The following ZNF614 variants were observed in gnomAD, a reference collection of about 807,000 sequenced individuals.
ZNF614 encodes the protein zinc finger protein 614.
In ZNF614, 11 loss-of-function variants were observed where a neutral mutation model predicts 12.8. That is an observed-to-expected ratio of 0.86 (90% CI 0.54 to 1.43). The LOEUF (loss-of-function observed/expected upper bound fraction) is 1.43. Ranked by LOEUF, ZNF614 falls within the 40% of genes most tolerant of loss-of-function variation. The pLI is 0.00. For missense variants in ZNF614, 664 were observed against 708.8 expected (o/e 0.94, Z 0.72); for synonymous variants, 237 against 237.5 (o/e 1.00, Z 0.02).
chr19:52,016,769 G>T lies in ZNF614; in HGVS notation c.829C>A (p.His277Asn). The T allele has an allele frequency of 1.9e-6, 3 of 1,614,094 alleles. No homozygotes were observed. Among genetic ancestry groups the T allele is most frequent in the Non-Finnish European group, 2.5e-6 (3 of 1,180,050 alleles). ...GSTVKSSLIT[H>N]QQTHTEEKSY... Reference sequence around the variant, plus strand: ...TTCTCTTCTGTATGGGTTTGTTGATGTGTAATGAGACTACTCTTCACAGTA... The same window carrying T: ...TTCTCTTCTGTATGGGTTTGTTGATTTGTAATGAGACTACTCTTCACAGTA... The change falls in exon 5 of 5, where the codon CAT becomes AAT. Residue 277 changes from histidine to asparagine, a missense_variant. By Grantham distance (68) the His-to-Asn change is moderately conservative (BLOSUM62 1). Coordinates refer to ENST00000270649, the MANE Select transcript of ZNF614 (RefSeq NM_025040.4).
At position 52,025,782 on chromosome 19, in the gene ZNF614, CTATACG is replaced by C; in HGVS notation, c.-43_-38del. On this transcript the variant is annotated 5_prime_UTR_variant, in exon 2 of 5. Coordinates refer to ENST00000270649, the MANE Select transcript of ZNF614 (RefSeq NM_025040.4). Reference sequence around the variant, plus strand: ...CTCAGAAAATAGTGGATAACATGGACTATACGTCTTTGTCTCTTCTGCATTTGCCAT... The same window carrying C: ...CTCAGAAAATAGTGGATAACATGGACTCTTTGTCTCTTCTGCATTTGCCAT... 10 of 1,610,234 alleles carry C rather than the reference CTATACG, an allele frequency of 6.2e-6. No individual in the cohort carries two copies. Among genetic ancestry groups the C allele is most frequent in the Non-Finnish European group, 8.5e-6 (10 of 1,178,266 alleles).
At chr19:52,022,329 C>A (rs747477131) in intron 2 of ZNF614, among the ~76,000 whole-genome samples, 4 of 151,202 alleles carry the variant, frequency 2.6e-5, no homozygotes, top group Non-Finnish European at 4.4e-5. Context: ...AGAAGCGCCT[C>A]TGCCTAGCCG....
chr19:52,018,224 T>C, intron 3 of ZNF614, 121 bp from the exon 4 acceptor site: 1 of 1,454,840 alleles, frequency 6.9e-7, no homozygotes, highest in Non-Finnish European at 9.6e-7. Flanking sequence ...TTAGAAGAGA[T>C]TATACCACTT....
chr19:52,026,806 G>A (rs892680672), intron 1 of ZNF614, among the ~76,000 whole-genome samples: 2 of 152,254 alleles, frequency 1.3e-5, no homozygotes, highest in African/African-American at 4.8e-5. Context: ...GGTGAGACAT[G>A]CTGGTGGCAA....
In ZNF614 at chr19:52,016,103, T is replaced by C; in HGVS notation, c.1495A>G (p.Ile499Val). Reference sequence around the variant, plus strand: ...CCTGTGTGAATTCTCTGATGGGTAATGAGGCCATATTTGTGTGAATAGGAT... The same window carrying C: ...CCTGTGTGAATTCTCTGATGGGTAACGAGGCCATATTTGTGTGAATAGGAT... ...GKSYSHKYGLITHQRIHTGEK... is the reference protein window; with the variant it reads ...GKSYSHKYGLVTHQRIHTGEK... Residue 499 changes from isoleucine (I) to valine (V), a missense_variant, in exon 5 of 5, where the codon ATT (isoleucine) becomes GTT (valine). Ile to Val is a conservative substitution (Grantham distance 29). Coordinates refer to ENST00000270649, the MANE Select transcript of ZNF614 (RefSeq NM_025040.4). The C allele has an allele frequency of 1.9e-6, 3 of 1,614,114 alleles. No homozygotes were observed. Among genetic ancestry groups the C allele is most frequent in the African/African-American group, 1.3e-5 (1 of 75,008 alleles).
At chr19:52,020,165 A>G (rs2086924786) in intron 2 of ZNF614, among the ~76,000 whole-genome samples, 1 of 152,158 alleles carries the variant, frequency 6.6e-6, no homozygotes, top group African/African-American at 2.4e-5. Flanking sequence ...TCCCAGGTTA[A>G]AAGCACAATC....
intron 4 of ZNF614, 61 bp downstream of exon 4, chr19:52,017,947 C>T (rs2086910618): frequency 3.0e-6 from 4 of 1,315,952 alleles, no homozygotes; most frequent in Non-Finnish European, 4.3e-6. Context: ...ATATGTGACA[C>T]CTTTCCTTAA....
chr19:52,016,378 C>T lies in ZNF614; in HGVS notation c.1220G>A (p.Gly407Asp). The T allele has an allele frequency of 6.2e-7, 1 of 1,613,634 alleles. No individual in the cohort carries two copies. The highest frequency in any genetic ancestry group is 8.5e-7 in the Non-Finnish European group (1 of 1,179,656). ...AACGAGAGTGCGTTTGACAGTGAAG[C>T]CTTTTCCACATTCGCTGCATATGTA... ...KSYICSECGK[G>D]FTVKRTLVIH... is the part of the protein sequence containing the mutation. Residue 407 changes from glycine to aspartate, a missense_variant, in exon 5 of 5, where the codon GGC (glycine) becomes GAC (aspartate). By Grantham distance (94) the Gly-to-Asp change is moderately conservative. Transcript: ENST00000270649.
chr19:52,023,246 G>A (rs1485342621), intron 2 of ZNF614, among the ~76,000 whole-genome samples: 1 of 150,508 alleles, frequency 6.6e-6, no homozygotes, highest in Non-Finnish European at 1.5e-5. Context: ...TCAGTTCACT[G>A]CAACCTCCAC....
rs773266115 is a variant in ZNF614, at chr19:52,016,760, T to A, written c.838A>T (p.Thr280Ser). The A allele has an allele frequency of 1.5e-5, 25 of 1,614,006 alleles. No individual in the cohort carries two copies. The East Asian group carries it at 1.8e-4, about 12-fold the overall frequency. The change falls in exon 5 of 5, where the codon ACC (threonine) becomes TCC (serine). Residue 280 changes from threonine to serine, a missense_variant. Thr to Ser is a moderately conservative substitution (Grantham distance 58). Transcript: ENST00000270649. ...ATATAGGATTTCTCTTCTGTATGGG[T>A]TTGTTGATGTGTAATGAGACTACTC... ...VKSSLITHQQ[T>S]HTEEKSYMCS...
chr19:52,021,092 TA>T (rs1257595184), intron 2 of ZNF614, among the ~76,000 whole-genome samples: 2 of 152,168 alleles, frequency 1.3e-5, no homozygotes, highest in Non-Finnish European at 2.9e-5. Context: ...ATTTGGCACA[TA>T]GGGGAGGTGC....
rs370833607 is a variant in ZNF614 at position 52,016,423 on chromosome 19, G to A, written c.1175C>T (p.Ser392Phe). The A allele has an allele frequency of 6.2e-7, 1 of 1,614,058 alleles. No individual in the cohort carries two copies. The highest frequency in any genetic ancestry group is 8.5e-7 in the Non-Finnish European group (1 of 1,180,000). ...VKSNLIVHQR[S>F]HTGEKSYICS... ...TATGTAAGATTTTTCTCCTGTGTGG[G>A]AGCGCTGATGTACAATGAGATTGCT... is the stretch of plus-strand genomic sequence containing the variant. Residue 392 changes from serine to phenylalanine, a missense_variant, in exon 5 of 5, where the codon TCC becomes TTC. Physicochemically the swap from Ser to Phe is radical, Grantham distance 155 (BLOSUM62 -2). Transcript: ENST00000270649.
Position 52,016,974 on chromosome 19 carries a change from A to G in ZNF614, c.624T>C (p.Ile208=). ...TQKIEKPHAC[I]ECEQTFLRKS... The stretch of plus-strand genomic sequence containing the variant: ...TCCTAAGGAAGGTTTGCTCACATTC[A>G]ATGCATGCATGGGGTTTCTCAATTT... Residue 208 remains isoleucine, a synonymous_variant, in exon 5 of 5, where the codon ATT becomes ATC. Coordinates refer to ENST00000270649, the MANE Select transcript of ZNF614 (RefSeq NM_025040.4). 1.2e-6 allele frequency: 2 copies of G among 1,614,180 alleles called. No individual in the cohort carries two copies. The highest frequency in any genetic ancestry group is 1.7e-6 in the Non-Finnish European group (2 of 1,180,012).
chr19:52,023,087 A>T (rs2086942419), intron 2 of ZNF614, among the ~76,000 whole-genome samples: 1 of 150,702 alleles, frequency 6.6e-6, no homozygotes, highest in South Asian at 2.1e-4. Flanking sequence ...TCAAAAAAAA[A>T]AAAAGAAAAA....
Position 52,015,854 on chromosome 19 carries a change from G to C in ZNF614, c.1744C>G (p.Leu582Val). Residue 582 changes from leucine (L) to valine (V), a missense_variant, in exon 5 of 5, where the codon CTT becomes GTT. By Grantham distance (32) the Leu-to-Val change is conservative. Transcript: ENST00000270649. ...TCTGCATGAGTTCACTTATAAGGAA[G>C]GAGCTGTGACTCTCCATTACAGGAG... is the stretch of plus-strand genomic sequence containing the variant. ...ENSCNGESQL[L>V]PYK 6.2e-7 allele frequency: 1 copy of C among 1,609,614 alleles called. No homozygotes were observed. Among genetic ancestry groups the C allele is most frequent in the Non-Finnish European group, 8.5e-7 (1 of 1,177,718 alleles).
Position 52,015,875 on chromosome 19 carries a change from A to G in ZNF614, c.1723T>C (p.Cys575Arg). 6.2e-7 allele frequency: 1 copy of G among 1,613,866 alleles called. No individual in the cohort carries two copies. Among genetic ancestry groups the G allele is most frequent in the Middle Eastern group, 1.6e-4 (1 of 6,062 alleles). The part of the protein sequence containing the change: ...MGRISQVENS[C>R]NGESQLLPYK Reference sequence around the variant, plus strand: ...GGAAGGAGCTGTGACTCTCCATTACAGGAGTTTTCAACTTGACTGATTCTA... The same window carrying G: ...GGAAGGAGCTGTGACTCTCCATTACGGGAGTTTTCAACTTGACTGATTCTA... The change falls in exon 5 of 5, where the codon TGT (cysteine) becomes CGT (arginine). Residue 575 changes from cysteine to arginine, a missense_variant. Physicochemically the swap from Cys to Arg is radical, Grantham distance 180 (BLOSUM62 -3). Transcript: ENST00000270649.
intron 2 of ZNF614, among the ~76,000 whole-genome samples, chr19:52,023,751 A>T (rs1217595692): frequency 6.6e-6 from 1 of 152,172 alleles, no homozygotes; most frequent in Non-Finnish European, 1.5e-5. Context: ...AAATAAATAT[A>T]CATTTGGTCT....
At position 52,015,996 on chromosome 19, in the gene ZNF614, T is replaced by C; in HGVS notation, c.1602A>G (p.Thr534=). The C allele has an allele frequency of 1.2e-6, 2 of 1,614,240 alleles. No individual in the cohort carries two copies. The highest frequency in any genetic ancestry group is 8.5e-7 in the Non-Finnish European group (1 of 1,180,040). The change falls in exon 5 of 5, where the codon ACA becomes ACG. Residue 534 remains threonine (T), a synonymous_variant. Transcript: ENST00000270649. ...SVLNVHQRTH[T]GERPYGCSDC... ...CACTGCATCCATACGGCCTCTCTCC[T>C]GTATGCGTTCTTTGATGTACATTGA...
In ZNF614 at chr19:52,017,332, T is replaced by C; in HGVS notation, c.266A>G (p.Gln89Arg). The change falls in exon 5 of 5, where the codon CAA becomes CGA. Residue 89 changes from glutamine to arginine, a missense_variant. Physicochemically the swap from Gln to Arg is conservative, Grantham distance 43 (BLOSUM62 1). Transcript: ENST00000270649. ...PGIGKVDSHL[Q>R]EHSPNQRLLK... ...AAGTCTTTGGTTTGGAGAGTGCTCT[T>C]GCAGATGACTGTCAACTTTCCCGAT... 6.2e-7 allele frequency: 1 copy of C among 1,602,468 alleles called. No homozygotes were observed. The highest frequency in any genetic ancestry group is 8.5e-7 in the Non-Finnish European group (1 of 1,174,608).
Sources: gnomAD v4.1 joint callset for allele counts (sites outside exome capture counted in the v4.1 genomes callset) on GRCh38, gnomAD v4.1.1 for gene constraint, MANE v1.5 for transcripts, NCBI Gene and HGNC (gene_info 2026-07-23, HGNC 2026-07-21) for gene names.